The following ZNF385D variants were observed in gnomAD, a reference collection of about 807,000 sequenced individuals.
The protein encoded by ZNF385D is zinc finger protein 385D.
Under a neutral mutation model 35.8 loss-of-function variants are expected in ZNF385D, and 15 were observed. The observed-to-expected ratio is 0.42, with a 90% CI of 0.28 to 0.64. The LOEUF (loss-of-function observed/expected upper bound fraction) is 0.64. Ranked by LOEUF, ZNF385D falls within the 30% of genes least tolerant of loss-of-function variation. ZNF385D has a pLI of 0.23. For missense variants in ZNF385D, 474 were observed against 494.6 expected, an observed-to-expected ratio of 0.96 and a Z score of 0.39; for synonymous variants, 212 against 186.8, an observed-to-expected ratio of 1.13 and a Z score of -1.10.
chr3:22,036,668 CT>C (rs1698339805), intron 3 of ZNF385D, among the ~76,000 whole-genome samples: 1 of 148,106 alleles, frequency 6.8e-6, no homozygotes, highest in Admixed American at 6.7e-5. Context: ...TAAAACCCTT[CT>C]TTTAGAATAC....
intron 2 of ZNF385D, among the ~76,000 whole-genome samples, chr3:21,633,962 C>G (rs958972085): frequency 1.3e-5 from 2 of 151,880 alleles, no homozygotes; most frequent in Admixed American, 6.6e-5. Flanking sequence ...TTGGAAAGAT[C>G]AGGCAGGTGG....
At chr3:22,371,052 T>C (rs1406783745) in intron 2 of ZNF385D, among the ~76,000 whole-genome samples, 2 of 152,168 alleles carry the variant, frequency 1.3e-5, no homozygotes, top group Non-Finnish European at 2.9e-5. Flanking sequence ...CTAAAAAACA[T>C]CTGGAAAGAA....
intron 2 of ZNF385D, among the ~76,000 whole-genome samples, chr3:22,224,488 G>A (rs1576523234): frequency 6.6e-6 from 1 of 152,074 alleles, no homozygotes; most frequent in African/African-American, 2.4e-5. Flanking sequence ...CTACTGCTCA[G>A]CCCCTGAAGG....
chr3:21,555,629 T>C (rs1230796299), intron 3 of ZNF385D, among the ~76,000 whole-genome samples: 7 of 152,130 alleles, frequency 4.6e-5, no homozygotes, highest in African/African-American at 1.7e-4. Flanking sequence ...GGCATTTGGG[T>C]TGGTTCCAAG....
chr3:21,574,658 AATCTTTGAGAGGATTT>A (rs1287111091), intron 2 of ZNF385D, among the ~76,000 whole-genome samples: 1 of 152,114 alleles, frequency 6.6e-6, no homozygotes, highest in Non-Finnish European at 1.5e-5. Context: ...TGTGCTTCAA[AATCTTTGAGAGGATTT>A]AGGGGGTAAC....
chr3:22,234,572 T>C (rs1433894587), intron 2 of ZNF385D, among the ~76,000 whole-genome samples: 1 of 152,086 alleles, frequency 6.6e-6, no homozygotes, highest in African/African-American at 2.4e-5. Flanking sequence ...TGTCTTGTGA[T>C]GACTATCAAT....
At chr3:22,210,295 T>C (rs1348122915) in intron 2 of ZNF385D, among the ~76,000 whole-genome samples, 3 of 151,972 alleles carry the variant, frequency 2.0e-5, no homozygotes, top group Non-Finnish European at 1.5e-5. Flanking sequence ...AGGGATTTTT[T>C]CTTCTATTTT....
intron 3 of ZNF385D, among the ~76,000 whole-genome samples, chr3:21,933,840 T>C (rs533065492): frequency 5.9e-5 from 9 of 152,286 alleles, no homozygotes; most frequent in African/African-American, 2.2e-4. Flanking sequence ...TTAAATTCTC[T>C]TAGGTTTTGT....
chr3:22,176,771 T>G (rs1251025442), intron 2 of ZNF385D, among the ~76,000 whole-genome samples: 1 of 152,146 alleles, frequency 6.6e-6, no homozygotes, highest in Non-Finnish European at 1.5e-5. Flanking sequence ...AATCTTCAAA[T>G]GACTCACCAT....
chr3:22,088,477 T>C (rs756938656), intron 3 of ZNF385D, among the ~76,000 whole-genome samples: 3 of 152,138 alleles, frequency 2.0e-5, no homozygotes, highest in Non-Finnish European at 4.4e-5. Context: ...AGCAAAGATG[T>C]GTATGGATGA....
At chr3:22,104,298 A>T (rs1285350340) in intron 3 of ZNF385D, among the ~76,000 whole-genome samples, 3 of 151,010 alleles carry the variant, frequency 2.0e-5, no homozygotes, top group Non-Finnish European at 4.4e-5. Flanking sequence ...AAATTCACTG[A>T]GTGTGTCTCC....
intron 3 of ZNF385D, among the ~76,000 whole-genome samples, chr3:22,111,092 T>G (rs1702494614): frequency 6.7e-6 from 1 of 150,350 alleles, no homozygotes; most frequent in South Asian, 2.1e-4. Flanking sequence ...TCACAAAGAT[T>G]CAGCCTAAAA....
intron 4 of ZNF385D, chr3:21,443,123 C>T (rs80291698): frequency 0.083 from 82,057 of 985,110 alleles, 3,735 homozygotes; most frequent in Non-Finnish European, 0.092. Flanking sequence ...CCCAAAGCCA[C>T]CAAATGAGGC....
rs1470287790 is a variant in ZNF385D at position 21,415,574 on chromosome 3, C to T, written c.*5640G>A. ...TGTAAAAGAATGACAGGTACTAAGACTCATATTTTTACAATTCTGTATGTG... is the reference window on the plus strand; with the variant it reads ...TGTAAAAGAATGACAGGTACTAAGATTCATATTTTTACAATTCTGTATGTG... On this transcript the variant is annotated 3_prime_UTR_variant, in exon 8 of 8. Transcript: ENST00000281523. 1 of 152,020 alleles carries T rather than the reference C, an allele frequency of 6.6e-6. No homozygotes were observed. Among genetic ancestry groups the T allele is most frequent in the Admixed American group, 6.6e-5 (1 of 15,258 alleles). The allele number at this position is 152,020 out of a possible 1,614,324, so 9.4% of individuals were successfully genotyped here.
intron 3 of ZNF385D, among the ~76,000 whole-genome samples, chr3:22,068,255 ATTC>A (rs2125556887): frequency 6.6e-6 from 1 of 152,174 alleles, no homozygotes; most frequent in African/African-American, 2.4e-5. Flanking sequence ...TGCTAATTCT[ATTC>A]TTTTTTTCAC....
intron 1 of ZNF385D, among the ~76,000 whole-genome samples, chr3:21,738,360 G>A (rs2125513933): frequency 6.6e-6 from 1 of 152,258 alleles, no homozygotes; most frequent in South Asian, 2.1e-4. Context: ...TAATCTCACT[G>A]TACCTTGGTC....
rs150486932 is a variant in ZNF385D, at chr3:22,240,520, T to A, written c.107-71485A>T. Among the ~76,000 whole-genome samples the A allele has an allele frequency of 4.0e-5, 6 of 151,042 alleles. 1 individual carries two copies. In the South Asian group the frequency reaches 1.3e-3, roughly 33 times the overall value. On this transcript the variant is annotated intron_variant, in intron 2 of 5. Coordinates refer to the ZNF385D transcript ENST00000494108. ...TCCTTTCTAATTGGATGTGGACTAT[T>A]GAACTCCTTTCAGATCTGTGCTTCC... is the stretch of plus-strand genomic sequence containing the variant.
intron 2 of ZNF385D, among the ~76,000 whole-genome samples, chr3:22,327,346 C>A (rs1694726046): frequency 6.6e-6 from 1 of 151,668 alleles, no homozygotes; most frequent in Non-Finnish European, 1.5e-5. Flanking sequence ...CTAAATTAAA[C>A]TACAAGTAGA....
intron 3 of ZNF385D, among the ~76,000 whole-genome samples, chr3:22,147,840 A>T (rs1704958784): frequency 6.6e-6 from 1 of 152,172 alleles, no homozygotes; most frequent in South Asian, 2.1e-4. Flanking sequence ...TTGCTGCAGA[A>T]ACTAGGAAAG....
Sources: gnomAD v4.1 joint callset for allele counts (sites outside exome capture counted in the v4.1 genomes callset) on GRCh38, gnomAD v4.1.1 for gene constraint, MANE v1.5 for transcripts, NCBI Gene and HGNC (gene_info 2026-07-23, HGNC 2026-07-21) for gene names.